Variants in SGPP1 observed in about 807,000 individuals in gnomAD.
SGPP1 encodes the protein sphingosine-1-phosphate phosphatase 1, also known as hSPP1.
SGPP1 carries 21 observed loss-of-function variants against 33.0 expected under a neutral mutation model. The observed-to-expected ratio is 0.64, with a 90% CI of 0.45 to 0.92. SGPP1 has a LOEUF of 0.92. Ranked by LOEUF, SGPP1 falls within the 40% of genes least tolerant of loss-of-function variation. SGPP1 has a pLI of 0.00. For missense variants in SGPP1, 543 were observed against 589.4 expected, an observed-to-expected ratio of 0.92 and a Z score of 0.81; for synonymous variants, 239 against 241.2, an observed-to-expected ratio of 0.99 and a Z score of 0.08.
At chr14:63,687,942 G>A (rs956712161) in intron 2 of SGPP1, among the ~76,000 whole-genome samples, 6 of 152,104 alleles carry the variant, frequency 3.9e-5, no homozygotes, top group African/African-American at 1.4e-4. Flanking sequence ...CCAACATGGT[G>A]AAACCCTGTC....
At chr14:63,704,281 A>T (rs942292051) in intron 1 of SGPP1, among the ~76,000 whole-genome samples, 1 of 152,262 alleles carries the variant, frequency 6.6e-6, no homozygotes, top group Admixed American at 6.5e-5. Context: ...AATTTACTAC[A>T]GTATTCAAAA....
At chr14:63,689,442 G>A (rs1024258673) in intron 2 of SGPP1, among the ~76,000 whole-genome samples, 5 of 151,830 alleles carry the variant, frequency 3.3e-5, no homozygotes, top group African/African-American at 4.8e-5. Context: ...ATCAGCCACC[G>A]GGCCTGGCCA....
intron 1 of SGPP1, among the ~76,000 whole-genome samples, chr14:63,719,885 C>T (rs906448409): frequency 5.4e-5 from 8 of 149,484 alleles, no homozygotes; most frequent in Admixed American, 4.7e-4. Context: ...GAGGCAGAGG[C>T]GGGCGGATCA....
At chr14:63,704,740 T>C (rs916114891) in intron 1 of SGPP1, among the ~76,000 whole-genome samples, 1 of 152,076 alleles carries the variant, frequency 6.6e-6, no homozygotes, top group Non-Finnish European at 1.5e-5. Flanking sequence ...GGATAAATCT[T>C]TATGACTCTG....
intron 1 of SGPP1, among the ~76,000 whole-genome samples, chr14:63,718,259 AAAG>A (rs1398005796): frequency 6.6e-6 from 1 of 152,086 alleles, no homozygotes; most frequent in Non-Finnish European, 1.5e-5. Context: ...AAAAAAAAAA[AAAG>A]AAGTGCCAAG....
chr14:63,687,030 G>A (rs1884994563), intron 2 of SGPP1, among the ~76,000 whole-genome samples: 2 of 152,138 alleles, frequency 1.3e-5, no homozygotes, highest in Admixed American at 6.5e-5. Flanking sequence ...TTATCTCCAT[G>A]ACCACACAGG....
chr14:63,698,533 A>C (rs1329347886), intron 2 of SGPP1, 36 bp downstream of exon 2: 8 of 1,199,962 alleles, frequency 6.7e-6, no homozygotes, highest in Admixed American at 2.4e-5. Flanking sequence ...CAATGTCATA[A>C]AAAATAAAGT....
chr14:63,694,305 T>A (rs1417992242), intron 2 of SGPP1, among the ~76,000 whole-genome samples: 1 of 151,622 alleles, frequency 6.6e-6, no homozygotes, highest in Non-Finnish European at 1.5e-5. Context: ...AAAGAAAAAA[T>A]TCATTAAATG....
Position 63,693,883 on chromosome 14 carries a change from C to A in SGPP1, c.774+4686G>T, listed in dbSNP as rs2149675. Among the ~76,000 whole-genome samples the A allele has an allele frequency of 8.2e-3, 1,247 of 152,326 alleles. 10 individuals carry two copies. The highest frequency in any genetic ancestry group is 0.028 in the African/African-American group (1,162 of 41,572). Reference sequence around the variant, plus strand: ...AAATTGTTGGGATTATAGGCGTGGGCTGCTGTGCCCAGCCAGGTATTTTTT... The same window carrying A: ...AAATTGTTGGGATTATAGGCGTGGGATGCTGTGCCCAGCCAGGTATTTTTT... On this transcript the variant is annotated intron_variant, in intron 2 of 2. Coordinates refer to ENST00000247225, the MANE Select transcript of SGPP1 (RefSeq NM_030791.4).
chr14:63,703,655 CA>C (rs36065588), intron 1 of SGPP1, among the ~76,000 whole-genome samples: 6,685 of 38,908 alleles, frequency 0.17, 57 homozygotes, highest in African/African-American at 0.22. Context: ...GACTCCATCT[CA>C]AAAAAAAAAA....
chr14:63,722,315 G>A (rs1007854784), intron 1 of SGPP1, among the ~76,000 whole-genome samples: 2 of 149,522 alleles, frequency 1.3e-5, no homozygotes, highest in African/African-American at 2.5e-5. Context: ...ACAAGGTCAG[G>A]AGTTAGAGGC....
In SGPP1 at chr14:63,703,577, C is replaced by T. The variant is rs537297875; in HGVS notation, c.685-4919G>A. Among the ~76,000 whole-genome samples, 4 of 143,902 alleles carry T rather than the reference C, an allele frequency of 2.8e-5. 1 individual carries two copies. Among genetic ancestry groups the T allele is most frequent in the East Asian group, 4.5e-4 (2 of 4,426 alleles). 94.4% of individuals were successfully genotyped at this position (143,902 alleles called of 152,430 possible). ...CTGAAGCAAGAGAATTGCTTGAACC[C>T]GGGAGGCAGAGGTTGCAGTGAGCTG... On this transcript the variant is annotated intron_variant, in intron 1 of 2. Transcript: ENST00000247225.
intron 1 of SGPP1, among the ~76,000 whole-genome samples, chr14:63,708,868 C>A (rs1384401765): frequency 1.3e-5 from 2 of 152,184 alleles, no homozygotes; most frequent in African/African-American, 4.8e-5. Flanking sequence ...GGTTATGGAT[C>A]TGTGATTCAA....
Position 63,727,803 on chromosome 14 carries a change from G to A in SGPP1, c.142C>T (p.Pro48Ser). 6.6e-7 allele frequency: 1 copy of A among 1,506,234 alleles called. No individual in the cohort carries two copies. The highest frequency in any genetic ancestry group is 8.8e-7 in the Non-Finnish European group (1 of 1,133,914). 93.3% of individuals were successfully genotyped at this position (1,506,234 alleles called of 1,614,324 possible). ...DRREDEKAEA[P>S]LAGDPRLRGR... Reference sequence around the variant, plus strand: ...CGCAGTCGAGGGTCTCCGGCGAGAGGCGCCTCCGCTTTCTCATCCTCCCTC... The same window carrying A: ...CGCAGTCGAGGGTCTCCGGCGAGAGACGCCTCCGCTTTCTCATCCTCCCTC... The change falls in exon 1 of 3, where the codon CCT becomes TCT. Residue 48 changes from proline to serine, a missense_variant. Coordinates refer to ENST00000247225, the MANE Select transcript of SGPP1 (RefSeq NM_030791.4).
chr14:63,698,272 G>C (rs1175598217), intron 2 of SGPP1, among the ~76,000 whole-genome samples: 1 of 152,172 alleles, frequency 6.6e-6, no homozygotes, highest in East Asian at 1.9e-4. Flanking sequence ...TCAGTGATAA[G>C]AGAGACACAG....
chr14:63,708,155 T>A (rs569264439), intron 1 of SGPP1, among the ~76,000 whole-genome samples: 2 of 152,100 alleles, frequency 1.3e-5, no homozygotes, highest in Non-Finnish European at 2.9e-5. Flanking sequence ...TGATACATAT[T>A]TGTGGTATCG....
rs878928790 is a variant in SGPP1, at chr14:63,685,961, G to A, written c.*144C>T. The A allele has an allele frequency of 7.2e-5, 39 of 543,368 alleles. 3 individuals carry two copies. In the South Asian group the frequency reaches 1.2e-3, roughly 17 times the overall value. The allele number at this position is 543,368 out of a possible 1,614,324, so 33.7% of individuals were successfully genotyped here. A position where few individuals can be genotyped will look rare whatever the true frequency, so the allele number is the denominator to read the frequency against. The stretch of plus-strand genomic sequence containing the variant: ...GTATCTGGATGTGCAATGATAAAAT[G>A]CACTGACTCTTATGAATTTACTTAA... On this transcript the variant is annotated 3_prime_UTR_variant, in exon 3 of 3. Coordinates refer to ENST00000247225, the MANE Select transcript of SGPP1 (RefSeq NM_030791.4).
intron 1 of SGPP1, among the ~76,000 whole-genome samples, chr14:63,724,560 C>T (rs1264636748): frequency 6.8e-6 from 1 of 147,352 alleles, no homozygotes; most frequent in Non-Finnish European, 1.5e-5. Context: ...AGTAGAGGAC[C>T]CAAACAGCTG....
At chr14:63,714,824 C>T (rs1416060785) in intron 1 of SGPP1, among the ~76,000 whole-genome samples, 1 of 151,698 alleles carries the variant, frequency 6.6e-6, no homozygotes, top group Non-Finnish European at 1.5e-5. Context: ...ACTGCAGCCT[C>T]AGGTGATTTT....
Sources: allele counts gnomAD v4.1 joint callset (sites outside exome capture counted in the v4.1 genomes callset), GRCh38; gene constraint gnomAD v4.1.1; transcripts MANE v1.5; gene names NCBI Gene and HGNC (gene_info 2026-07-23, HGNC 2026-07-21).